The following MGME1 variants were observed in gnomAD, a reference collection of about 807,000 sequenced individuals.
MGME1 encodes mitochondrial genome maintenance exonuclease 1.
MGME1 carries 22 observed loss-of-function variants against 33.0 expected under a neutral mutation model. That is an observed-to-expected ratio of 0.67 (90% CI 0.48 to 0.95). The LOEUF (loss-of-function observed/expected upper bound fraction) is 0.95, where lower values mean the gene tolerates loss of function less well. Ranked by LOEUF, MGME1 falls within the 40% of genes least tolerant of loss-of-function variation. The pLI is 0.00. For missense variants in MGME1, 383 were observed against 397.8 expected (o/e 0.96, Z 0.32); for synonymous variants, 133 against 144.0 (o/e 0.92, Z 0.55).
chr20:17,969,367 G>T (rs1253131659), intron 1 of MGME1, among the ~76,000 whole-genome samples: 1 of 152,230 alleles, frequency 6.6e-6, no homozygotes. Context: ...TGTGCAACGG[G>T]TTCATTCTAG....
At chr20:17,968,643 C>T, upstream of MGME1, 1 of 614,974 alleles carries the variant, frequency 1.6e-6, no homozygotes, top group Non-Finnish European at 2.9e-6. Flanking sequence ...AGAGCAGCCT[C>T]CCAGTCCCCG....
intron 3 of MGME1, among the ~76,000 whole-genome samples, chr20:17,987,550 C>G (rs1236388738): frequency 2.0e-5 from 3 of 151,962 alleles, no homozygotes; most frequent in Admixed American, 6.6e-5. Context: ...AAAATTTCAG[C>G]TGTATTTTTT....
intron 2 of MGME1, among the ~76,000 whole-genome samples, chr20:17,971,146 C>G (rs2035718473): frequency 6.6e-6 from 1 of 152,212 alleles, no homozygotes; most frequent in African/African-American, 2.4e-5. Context: ...TGTACTGACC[C>G]TTGCCATAGC....
intron 2 of MGME1, among the ~76,000 whole-genome samples, chr20:17,970,759 C>T (rs372666262): frequency 6.6e-6 from 1 of 152,066 alleles, no homozygotes; most frequent in East Asian, 1.9e-4. Flanking sequence ...CAGTAAATAC[C>T]CACTGTCCTA....
intron 2 of MGME1, among the ~76,000 whole-genome samples, chr20:17,973,754 T>A (rs1382948558): frequency 6.6e-6 from 1 of 152,178 alleles, no homozygotes; most frequent in Middle Eastern, 3.2e-3. Context: ...AGTATCTAAT[T>A]GGTGATTTCC....
intron 3 of MGME1, among the ~76,000 whole-genome samples, chr20:17,980,845 A>G (rs1276808775): frequency 2.6e-5 from 4 of 152,032 alleles, no homozygotes; most frequent in Non-Finnish European, 5.9e-5. Flanking sequence ...GTTTATATAG[A>G]TCTGTAACAT....
In MGME1 at chr20:17,990,073, G is replaced by T. The variant is rs376627318; in HGVS notation, c.999G>T (p.Lys333Asn). 28 of 1,613,924 alleles carry T rather than the reference G, an allele frequency of 1.7e-5. No homozygotes were observed. Among genetic ancestry groups the T allele is most frequent in the South Asian group, 2.2e-5 (2 of 91,080 alleles). Residue 333 changes from lysine to asparagine, a missense_variant, in exon 5 of 5, where the codon AAG becomes AAT. Coordinates refer to ENST00000377710, the MANE Select transcript of MGME1 (RefSeq NM_052865.4). Reference protein sequence around the residue: ...LRLEEYTEKKKNQNIQKPEYS... With the variant: ...LRLEEYTEKKNNQNIQKPEYS... ...TAGAAGAATATACGGAAAAGAAAAA[G>T]AACCAGAATATTCAGAAACCAGAAT...
At chr20:17,978,825 G>A (rs1301134249) in intron 3 of MGME1, among the ~76,000 whole-genome samples, 1 of 151,922 alleles carries the variant, frequency 6.6e-6, no homozygotes, top group Non-Finnish European at 1.5e-5. Context: ...ACCCAGACTG[G>A]AGTGTGGTGG....
intron 2 of MGME1, among the ~76,000 whole-genome samples, chr20:17,971,514 AACCAGGAATGT>A (rs1461084766): frequency 1.3e-5 from 2 of 152,200 alleles, no homozygotes; most frequent in East Asian, 3.8e-4. Flanking sequence ...ATTTTCCTTA[AACCAGGAATGT>A]ACAGCTGAAA....
intron 1 of MGME1, 149 bp from the exon 2 acceptor site, chr20:17,969,652 T>C: frequency 1.9e-6 from 1 of 528,702 alleles, no homozygotes; most frequent in Non-Finnish European, 3.3e-6. Context: ...TCTTGATTTA[T>C]TTATAAATTT....
At chr20:17,970,738 T>C (rs898649738) in intron 2 of MGME1, among the ~76,000 whole-genome samples, 1 of 152,262 alleles carries the variant, frequency 6.6e-6, no homozygotes, top group Non-Finnish European at 1.5e-5. Flanking sequence ...TAGATAATTC[T>C]GTTTAGAATC....
At chr20:17,983,467 G>A (rs530092413) in intron 3 of MGME1, among the ~76,000 whole-genome samples, 87 of 152,210 alleles carry the variant, frequency 5.7e-4, no homozygotes, top group Middle Eastern at 3.4e-3. Context: ...TTCCTGGATC[G>A]TATAGTAGTT....
At position 17,974,525 on chromosome 20, in the gene MGME1, C is replaced by T. The variant is rs76634821; in HGVS notation, c.512-1159C>T. Among the ~76,000 whole-genome samples the T allele has an allele frequency of 5.3e-3, 799 of 152,072 alleles. 23 individuals are homozygous for T. The East Asian group carries it at 0.075, about 14-fold the overall frequency. On this transcript the variant is annotated intron_variant, in intron 2 of 4. Transcript: ENST00000377710. ...CAGTTCTTTCGGAGAAACCTGGGGA[C>T]GAAAAGTAAGGCTTTGACCTCAGAA... is the stretch of plus-strand genomic sequence containing the variant.
chr20:17,981,149 T>C (rs1260314299), intron 3 of MGME1, among the ~76,000 whole-genome samples: 2 of 152,170 alleles, frequency 1.3e-5, no homozygotes, highest in Non-Finnish European at 2.9e-5. Flanking sequence ...TAAGAATATG[T>C]GCCCTCTATA....
At chr20:17,977,123 C>A (rs2035889804) in intron 3 of MGME1, among the ~76,000 whole-genome samples, 1 of 151,960 alleles carries the variant, frequency 6.6e-6, no homozygotes, top group Non-Finnish European at 1.5e-5. Context: ...CGCCTGTAAT[C>A]CCAGCACTTT....
upstream of MGME1, chr20:17,968,701 C>G (rs1014712260): frequency 2.0e-6 from 1 of 503,380 alleles, no homozygotes; most frequent in Admixed American, 3.6e-5. Flanking sequence ...GGGGCCTACC[C>G]TTGCTCCGCT....
chr20:17,985,429 A>G (rs952682496), intron 3 of MGME1, among the ~76,000 whole-genome samples: 8 of 152,080 alleles, frequency 5.3e-5, no homozygotes, highest in Admixed American at 4.6e-4. Flanking sequence ...ATCTCAAAAT[A>G]ATTAAAGAAG....
At chr20:17,978,634 G>C (rs2035927667) in intron 3 of MGME1, among the ~76,000 whole-genome samples, 1 of 152,146 alleles carries the variant, frequency 6.6e-6, no homozygotes, top group Non-Finnish European at 1.5e-5. Context: ...TCCACCCAAG[G>C]CCTACAAGAA....
At chr20:17,978,427 A>C (rs1600390290) in intron 3 of MGME1, among the ~76,000 whole-genome samples, 1 of 151,634 alleles carries the variant, frequency 6.6e-6, no homozygotes, top group Non-Finnish European at 1.5e-5. Context: ...CTGGTCTCGA[A>C]CTCCTGACCT....
Sources: gnomAD v4.1 joint callset for allele counts (sites outside exome capture counted in the v4.1 genomes callset) on GRCh38, gnomAD v4.1.1 for gene constraint, MANE v1.5 for transcripts, NCBI Gene and HGNC (gene_info 2026-07-23, HGNC 2026-07-21) for gene names.